ARHGEF3: variants seen among roughly 807,000 people sequenced by gnomAD.
The protein encoded by ARHGEF3 is 59.8 kDA protein.
In ARHGEF3, 28 loss-of-function variants were observed where a neutral mutation model predicts 63.2. That is an observed-to-expected ratio of 0.44 (90% CI 0.33 to 0.61). The LOEUF (loss-of-function observed/expected upper bound fraction) is 0.61, where lower values mean the gene tolerates loss of function less well. Among genes scored for constraint, ARHGEF3 ranks in the 20% least tolerant of loss-of-function variants. The probability of loss-of-function intolerance (pLI) is 0.03; values close to 1 mark genes in which losing one functional copy is unlikely to be tolerated. For missense variants in ARHGEF3, 533 were observed against 659.3 expected (o/e 0.81, Z 2.10); for synonymous variants, 266 against 254.2 (o/e 1.05, Z -0.44).
intron 3 of ARHGEF3, among the ~76,000 whole-genome samples, chr3:56,890,654 G>C (rs1474553372): frequency 6.6e-6 from 1 of 152,094 alleles, no homozygotes; most frequent in Non-Finnish European, 1.5e-5. Context: ...ACACTCTCAG[G>C]ATACCTTCAG....
intron 2 of ARHGEF3, among the ~76,000 whole-genome samples, chr3:57,018,268 G>C (rs1254010233): frequency 9.0e-6 from 1 of 111,176 alleles, no homozygotes; most frequent in East Asian, 2.3e-4. Flanking sequence ...GACAGAGCAA[G>C]GCTCTGTCAC....
At chr3:56,768,680 AAAAG>A (rs1438002945) in intron 2 of ARHGEF3, among the ~76,000 whole-genome samples, 42 of 150,188 alleles carry the variant, frequency 2.8e-4, no homozygotes, top group African/African-American at 9.9e-4. Context: ...AAAAAAAAAA[AAAAG>A]AAGAAGATGA....
chr3:57,011,910 TGAG>T (rs1188238522), intron 2 of ARHGEF3, among the ~76,000 whole-genome samples: 1 of 152,044 alleles, frequency 6.6e-6, no homozygotes, highest in East Asian at 1.9e-4. Flanking sequence ...AAGGTGGTGG[TGAG>T]GAGAAGCGGT....
intron 3 of ARHGEF3, among the ~76,000 whole-genome samples, chr3:56,919,364 C>T (rs1183899871): frequency 6.6e-6 from 1 of 152,172 alleles, no homozygotes; most frequent in African/African-American, 2.4e-5. Flanking sequence ...TCTAAAAACA[C>T]GAGTTGCTGG....
intron 4 of ARHGEF3, among the ~76,000 whole-genome samples, chr3:56,837,902 A>G (rs2039172319): frequency 6.6e-6 from 1 of 152,180 alleles, no homozygotes; most frequent in South Asian, 2.1e-4. Context: ...CCAGAAACTT[A>G]CATATTTCTA....
At chr3:56,793,005 T>A (rs904854033) in intron 1 of ARHGEF3, among the ~76,000 whole-genome samples, 7 of 151,802 alleles carry the variant, frequency 4.6e-5, no homozygotes, top group Non-Finnish European at 7.4e-5. Context: ...TTTTTTTTTT[T>A]TTATTTTTAT....
intron 3 of ARHGEF3, among the ~76,000 whole-genome samples, chr3:56,901,724 T>C (rs1443179055): frequency 1.3e-5 from 2 of 151,932 alleles, no homozygotes; most frequent in Non-Finnish European, 2.9e-5. Flanking sequence ...GCTGGGACTA[T>C]AGGCACACAC....
chr3:57,071,042 C>T (rs1356925517), intron 1 of ARHGEF3, among the ~76,000 whole-genome samples: 1 of 151,424 alleles, frequency 6.6e-6, no homozygotes, highest in African/African-American at 2.4e-5. Context: ...TTCATACTTC[C>T]TGATTTCAAA....
chr3:57,066,981 A>G (rs937412175), intron 1 of ARHGEF3, among the ~76,000 whole-genome samples: 13 of 152,190 alleles, frequency 8.5e-5, no homozygotes, highest in African/African-American at 2.4e-4. Flanking sequence ...TGAGCGATTG[A>G]TTGACACACA....
At chr3:56,850,035 C>G (rs553405052) in intron 4 of ARHGEF3, among the ~76,000 whole-genome samples, 16 of 152,166 alleles carry the variant, frequency 1.1e-4, no homozygotes, top group Admixed American at 9.8e-4. Context: ...ACCCTTCCCC[C>G]GCACCCACCA....
chr3:57,074,049 G>C (rs1213763583), intron 1 of ARHGEF3: 1 of 1,614,080 alleles, frequency 6.2e-7, no homozygotes, highest in African/African-American at 1.3e-5. Flanking sequence ...AGGCAGTTGT[G>C]AGCAAGTTAT....
intron 1 of ARHGEF3, among the ~76,000 whole-genome samples, chr3:56,792,242 C>T (rs2037126097): frequency 6.6e-6 from 1 of 152,204 alleles, no homozygotes; most frequent in South Asian, 2.1e-4. Flanking sequence ...ACATGCCTGT[C>T]CCCTCTTCTC....
At chr3:56,946,826 A>C (rs35058051) in intron 3 of ARHGEF3, among the ~76,000 whole-genome samples, 35,180 of 152,102 alleles carry the variant, frequency 0.23, 4,357 homozygotes, top group Middle Eastern at 0.39. Flanking sequence ...ACATAATTGT[A>C]AGATTCACCA....
chr3:57,033,656 C>T (rs1703827879), intron 2 of ARHGEF3, among the ~76,000 whole-genome samples: 1 of 151,960 alleles, frequency 6.6e-6, no homozygotes, highest in South Asian at 2.1e-4. Flanking sequence ...CTGGGAAGGG[C>T]AGGGATGAGG....
At chr3:56,969,247 A>ATATTCAGGACATAGCATGT (rs1553794727) in intron 2 of ARHGEF3, among the ~76,000 whole-genome samples, 3 of 113,944 alleles carry the variant, frequency 2.6e-5, no homozygotes, top group Admixed American at 1.1e-4. Flanking sequence ...ACCCTATTCA[A>ATATTCAGGACATAGCATGT]AACAATTCCA....
At position 56,830,366 on chromosome 3, in the gene ARHGEF3, A is replaced by G. The variant is rs377687778; in HGVS notation, c.192+51926T>C. On this transcript the variant is annotated intron_variant, in intron 4 of 12. Transcript: ENST00000338458. ...CCCACATATTACCACATTTCATGCAATCTTCCAACAGTGTTACCTTATCCA... is the reference window on the plus strand; with the variant it reads ...CCCACATATTACCACATTTCATGCAGTCTTCCAACAGTGTTACCTTATCCA... Among the ~76,000 whole-genome samples the G allele has an allele frequency of 9.2e-5, 14 of 152,122 alleles. 2 individuals carry two copies. Among genetic ancestry groups the G allele is most frequent in the Admixed American group, 5.9e-4 (9 of 15,272 alleles).
intron 7 of ARHGEF3, among the ~76,000 whole-genome samples, chr3:56,742,678 A>C (rs1270653311): frequency 6.6e-6 from 1 of 152,210 alleles, no homozygotes; most frequent in East Asian, 1.9e-4. Flanking sequence ...GGGAAAAAAA[A>C]AATCCTGTGC....
intron 1 of ARHGEF3, among the ~76,000 whole-genome samples, chr3:57,050,508 G>C (rs1348501421): frequency 1.3e-5 from 2 of 152,162 alleles, no homozygotes; most frequent in African/African-American, 4.8e-5. Context: ...GAAAGAGAGA[G>C]AACTGGGGGG....
chr3:56,977,245 T>A (rs1209679471), intron 2 of ARHGEF3: 5 of 456,402 alleles, frequency 1.1e-5, no homozygotes, highest in Non-Finnish European at 1.8e-5. Context: ...GCGAGAAAAA[T>A]GACTGTAATT....
Sources: allele counts gnomAD v4.1 joint callset (sites outside exome capture counted in the v4.1 genomes callset), GRCh38; gene constraint gnomAD v4.1.1; transcripts MANE v1.5; gene names NCBI Gene and HGNC (gene_info 2026-07-23, HGNC 2026-07-21).